The following SMURF1 variants were observed in gnomAD, a reference collection of about 807,000 sequenced individuals.
The protein encoded by SMURF1 is SMAD specific E3 ubiquitin protein ligase 1.
Under a neutral mutation model 98.0 loss-of-function variants are expected in SMURF1, and 44 were observed. The observed-to-expected ratio is 0.45, with a 90% confidence interval of 0.35 to 0.58. The LOEUF is 0.58. SMURF1 is among the 20% of genes least tolerant of loss of function. The pLI is 0.00. For missense variants in SMURF1, 687 were observed against 938.4 expected (o/e 0.73, Z 3.50); for synonymous variants, 396 against 374.9 (o/e 1.06, Z -0.65).
At chr7:99,092,736 T>G (rs1796841528) in intron 1 of SMURF1, among the ~76,000 whole-genome samples, 2 of 152,176 alleles carry the variant, frequency 1.3e-5, no homozygotes, top group African/African-American at 4.8e-5. Flanking sequence ...GTGGCAGTGC[T>G]GTTCGTTGTG....
chr7:99,052,973 C>G (rs1419616462), intron 6 of SMURF1, among the ~76,000 whole-genome samples: 2 of 152,156 alleles, frequency 1.3e-5, no homozygotes, highest in African/African-American at 4.8e-5. Flanking sequence ...CTGAGAATTG[C>G]TTGAACCCAG....
chr7:99,062,822 T>A (rs1796063439), intron 1 of SMURF1, among the ~76,000 whole-genome samples: 1 of 152,126 alleles, frequency 6.6e-6, no homozygotes, highest in Non-Finnish European at 1.5e-5. Flanking sequence ...CACTCCAGCC[T>A]GGGTGACAGA....
intron 3 of SMURF1, 64 bp from the exon 4 acceptor site, chr7:99,057,615 T>G (rs555809114): frequency 2.0e-6 from 3 of 1,465,916 alleles, no homozygotes; most frequent in East Asian, 4.8e-5. Flanking sequence ...GTTTTTTTTT[T>G]TTTTTGAGAT....
chr7:99,040,618 G>C, intron 12 of SMURF1, 62 bp from the exon 13 acceptor site: 6 of 1,347,836 alleles, frequency 4.5e-6, no homozygotes, highest in Admixed American at 3.1e-5. Context: ...TGGGAATCTC[G>C]TGCTGTCCCC....
chr7:99,070,749 G>C (rs1023962343), intron 1 of SMURF1, among the ~76,000 whole-genome samples: 2 of 151,996 alleles, frequency 1.3e-5, no homozygotes, highest in Non-Finnish European at 2.9e-5. Flanking sequence ...GGAAGCACAG[G>C]GCCTGGCAGA....
At chr7:99,054,954 T>A in intron 5 of SMURF1, 89 bp from the exon 6 acceptor site, 1 of 1,188,974 alleles carries the variant, frequency 8.4e-7, no homozygotes, top group Non-Finnish European at 1.2e-6. Flanking sequence ...AGAATTTATG[T>A]ACAATATCAT....
At chr7:99,037,395 A>C (rs1049329287) in intron 14 of SMURF1, among the ~76,000 whole-genome samples, 3 of 151,808 alleles carry the variant, frequency 2.0e-5, no homozygotes, top group African/African-American at 7.3e-5. Flanking sequence ...CCACCACCAC[A>C]CCTGGCTAAT....
chr7:99,052,944 G>T (rs932686330), intron 6 of SMURF1, among the ~76,000 whole-genome samples: 5 of 152,112 alleles, frequency 3.3e-5, no homozygotes, highest in Non-Finnish European at 7.3e-5. Context: ...CACGCCTGTG[G>T]TCCCAGCTAC....
At chr7:99,059,144 A>G (rs1486557146) in intron 3 of SMURF1, among the ~76,000 whole-genome samples, 1 of 151,964 alleles carries the variant, frequency 6.6e-6, no homozygotes, top group African/African-American at 2.4e-5. Flanking sequence ...TCACGCCTGT[A>G]ATCCCAGCAC....
At chr7:99,055,891 G>A (rs1231994646) in intron 5 of SMURF1, among the ~76,000 whole-genome samples, 19 of 152,132 alleles carry the variant, frequency 1.2e-4, no homozygotes, top group African/African-American at 3.6e-4. Flanking sequence ...GCTTAAACGC[G>A]GGAGGCGGAG....
In SMURF1 at chr7:99,037,194, GAA is replaced by G. The variant is rs771717297; in HGVS notation, c.1689-9_1689-8del. ...CCTCCAGTTTACATACAACCTGGAA[GAA>G]AAACTCGCAAGTTGGATGCAACACC... On this transcript the variant is annotated splice_region_variant and splice_polypyrimidine_tract_variant and intron_variant, in intron 14 of 17. Transcript: ENST00000361368. 6.2e-7 allele frequency: 1 copy of G among 1,613,934 alleles called. No individual in the cohort carries two copies. The highest frequency in any genetic ancestry group is 8.5e-7 in the Non-Finnish European group (1 of 1,179,996).
intron 17 of SMURF1, among the ~76,000 whole-genome samples, chr7:99,031,947 A>G (rs192159456): frequency 5.3e-5 from 8 of 152,324 alleles, no homozygotes; most frequent in Admixed American, 4.6e-4. Context: ...TTTGTAAACC[A>G]TACAGGAAAT....
Position 99,042,244 on chromosome 7 carries a change from C to A in SMURF1, c.1257-12G>T. 1.3e-6 allele frequency: 2 copies of A among 1,571,244 alleles called. No individual in the cohort carries two copies. The highest frequency in any genetic ancestry group is 1.4e-5 in the African/African-American group (1 of 72,870). Reference sequence around the variant, plus strand: ...AGTAAAGCCACTCCCTGGGAGCAAACAACAAAAATGCATTTGAGACGCGCT... The same window carrying A: ...AGTAAAGCCACTCCCTGGGAGCAAAAAACAAAAATGCATTTGAGACGCGCT... On this transcript the variant is annotated splice_polypyrimidine_tract_variant and intron_variant, in intron 11 of 17. Transcript: ENST00000361368.
chr7:99,041,114 A>G (rs1795361739), intron 12 of SMURF1, among the ~76,000 whole-genome samples: 1 of 152,132 alleles, frequency 6.6e-6, no homozygotes, highest in African/African-American at 2.4e-5. Flanking sequence ...TCAAATAACA[A>G]TCCTAGGCCG....
chr7:99,059,424 A>AAAAAAAAAT (rs2150537847), intron 3 of SMURF1, among the ~76,000 whole-genome samples: 1 of 122,228 alleles, frequency 8.2e-6, no homozygotes, highest in African/African-American at 2.8e-5. Context: ...AAATAAAATA[A>AAAAAAAAAT]AATAAAATAA....
At chr7:99,051,010 G>A in intron 8 of SMURF1, 1 of 1,541,798 alleles carries the variant, frequency 6.5e-7, no homozygotes. Context: ...AATGGGGACA[G>A]TAAAGTAGAA....
At chr7:99,063,362 A>G (rs1277479481) in intron 1 of SMURF1, among the ~76,000 whole-genome samples, 1 of 143,942 alleles carries the variant, frequency 6.9e-6, no homozygotes, top group Non-Finnish European at 1.5e-5. Flanking sequence ...GCACAATCAT[A>G]GCTCACTGTA....
At chr7:99,068,770 C>A (rs888545861) in intron 1 of SMURF1, among the ~76,000 whole-genome samples, 11 of 152,120 alleles carry the variant, frequency 7.2e-5, no homozygotes, top group African/African-American at 2.7e-4. Context: ...CCCATTATTC[C>A]TCATGGTATA....
At chr7:99,109,331 T>C (rs1446488766) in intron 1 of SMURF1, among the ~76,000 whole-genome samples, 4 of 152,226 alleles carry the variant, frequency 2.6e-5, no homozygotes, top group Admixed American at 1.3e-4. Flanking sequence ...CAGGCTATAC[T>C]GTGTTCACTC....
Sources: allele counts gnomAD v4.1 joint callset (sites outside exome capture counted in the v4.1 genomes callset), GRCh38; gene constraint gnomAD v4.1.1; transcripts MANE v1.5; gene names NCBI Gene and HGNC (gene_info 2026-07-23, HGNC 2026-07-21).